The following ASCC3 variants were observed in gnomAD, a reference collection of about 807,000 sequenced individuals.
ASCC3 encodes activating signal cointegrator 1 complex subunit 3.
ASCC3 carries 158 observed loss-of-function variants against 256.3 expected under a neutral mutation model. That is an observed-to-expected ratio of 0.62 (90% CI 0.54 to 0.70). ASCC3 has a LOEUF of 0.70. ASCC3 is among the 30% of genes least tolerant of loss of function. The pLI, the probability that ASCC3 is intolerant of heterozygous loss-of-function variation, is 0.00. For missense variants in ASCC3, 2,259 were observed against 2,626.0 expected, an observed-to-expected ratio of 0.86 and a Z score of 3.05; for synonymous variants, 948 against 883.4, an observed-to-expected ratio of 1.07 and a Z score of -1.30.
rs1773620070 is a variant in ASCC3, at chr6:100,508,837, T to A, written c.*549A>T. On this transcript the variant is annotated 3_prime_UTR_variant, in exon 42 of 42. Transcript: ENST00000369162. ...ATCATCATTAGGCTCCATAATATAA[T>A]TTTACATCATATATTATTAAACATT... 6.5e-6 allele frequency: 1 copy of A among 154,662 alleles called. No individual in the cohort carries two copies. The allele number at this position is 154,662 out of a possible 1,614,324, so 9.6% of individuals were successfully genotyped here. A position where few individuals can be genotyped will look rare whatever the true frequency, so the allele number is the denominator to read the frequency against.
intron 8 of ASCC3, among the ~76,000 whole-genome samples, chr6:100,768,385 T>C (rs1781765412): frequency 1.3e-5 from 2 of 152,100 alleles, no homozygotes; most frequent in Non-Finnish European, 2.9e-5. Flanking sequence ...GGCCTAAAAG[T>C]AAGCAAAACA....
intron 3 of ASCC3, among the ~76,000 whole-genome samples, chr6:100,860,232 T>C (rs1773155616): frequency 6.6e-6 from 1 of 152,054 alleles, no homozygotes; most frequent in South Asian, 2.1e-4. Flanking sequence ...GAATGTAGAC[T>C]GTATCCTTCA....
chr6:100,518,916 T>C (rs1412727560), intron 37 of ASCC3, among the ~76,000 whole-genome samples: 2 of 152,152 alleles, frequency 1.3e-5, no homozygotes, highest in Admixed American at 6.6e-5. Context: ...GTTTTAGTAC[T>C]GTACTCTTGT....
At chr6:100,853,577 G>A (rs973320527) in intron 3 of ASCC3, among the ~76,000 whole-genome samples, 3 of 152,082 alleles carry the variant, frequency 2.0e-5, no homozygotes, top group Admixed American at 6.6e-5. Context: ...TGATTCTCCA[G>A]TCTCAGCCTC....
intron 13 of ASCC3, among the ~76,000 whole-genome samples, chr6:100,691,401 T>G (rs1038072520): frequency 1.3e-5 from 2 of 152,052 alleles, no homozygotes; most frequent in African/African-American, 4.8e-5. Context: ...TAAGCATATG[T>G]ATTTTTTGGA....
chr6:100,706,047 C>T (rs538244272), intron 13 of ASCC3, among the ~76,000 whole-genome samples: 2 of 151,742 alleles, frequency 1.3e-5, no homozygotes, highest in Non-Finnish European at 2.9e-5. Context: ...AGTATACATA[C>T]ATAATTTACC....
intron 8 of ASCC3, among the ~76,000 whole-genome samples, chr6:100,774,807 G>C (rs1204999285): frequency 6.6e-6 from 1 of 152,046 alleles, no homozygotes; most frequent in Non-Finnish European, 1.5e-5. Context: ...CCTGGCCCTA[G>C]TTTGTCGTTT....
At chr6:100,583,432 T>G (rs774305687) in intron 36 of ASCC3, among the ~76,000 whole-genome samples, 28 of 152,220 alleles carry the variant, frequency 1.8e-4, no homozygotes, top group Non-Finnish European at 3.5e-4. Context: ...TCGGTGGTGA[T>G]ATCCCCTTTA....
intron 14 of ASCC3, among the ~76,000 whole-genome samples, chr6:100,666,596 C>G (rs894573068): frequency 6.6e-6 from 1 of 152,074 alleles, no homozygotes; most frequent in Admixed American, 6.6e-5. Flanking sequence ...TAAACATCTT[C>G]CATGTTCTTG....
intron 36 of ASCC3, 140 bp downstream of exon 36, chr6:100,589,494 G>T: frequency 1.1e-6 from 1 of 917,582 alleles, no homozygotes; most frequent in Non-Finnish European, 1.6e-6. Context: ...TCTTAGTCTA[G>T]ATGTGTTGCT....
chr6:100,662,591 T>C, intron 14 of ASCC3, 55 bp from the exon 15 acceptor site: 2 of 1,558,716 alleles, frequency 1.3e-6, no homozygotes, highest in South Asian at 2.2e-5. Context: ...CAATTGTTTT[T>C]AGCATTTCTG....
intron 4 of ASCC3, among the ~76,000 whole-genome samples, chr6:100,827,416 A>G (rs1000614802): frequency 4.6e-5 from 7 of 152,210 alleles, no homozygotes; most frequent in Non-Finnish European, 1.0e-4. Flanking sequence ...AAGGTCAAAC[A>G]GTTGGAATCA....
chr6:100,584,365 C>A (rs1042233845), intron 36 of ASCC3, among the ~76,000 whole-genome samples: 2 of 151,564 alleles, frequency 1.3e-5, no homozygotes, highest in Non-Finnish European at 2.9e-5. Context: ...GTCTTTTGAT[C>A]TTTGTTGGTT....
intron 3 of ASCC3, among the ~76,000 whole-genome samples, chr6:100,859,517 T>C (rs1773121338): frequency 6.6e-6 from 1 of 152,050 alleles, no homozygotes; most frequent in Non-Finnish European, 1.5e-5. Flanking sequence ...ACACACAAAA[T>C]TGCCAGATTC....
chr6:100,569,821 T>G (rs1203136411), intron 36 of ASCC3, among the ~76,000 whole-genome samples: 1 of 152,166 alleles, frequency 6.6e-6, no homozygotes, highest in African/African-American at 2.4e-5. Context: ...CTGTGAAAAA[T>G]GACATTGGTA....
At chr6:100,542,422 C>T (rs571584622) in intron 36 of ASCC3, among the ~76,000 whole-genome samples, 1 of 152,238 alleles carries the variant, frequency 6.6e-6, no homozygotes, top group East Asian at 1.9e-4. Flanking sequence ...GTGGCTCACG[C>T]CTGTAATCCC....
At chr6:100,733,411 A>C (rs923538603) in intron 10 of ASCC3, among the ~76,000 whole-genome samples, 1 of 151,832 alleles carries the variant, frequency 6.6e-6, no homozygotes, top group African/African-American at 2.4e-5. Context: ...GGGTGAGTGG[A>C]TTTTCACTCT....
chr6:100,662,574 T>G, intron 14 of ASCC3, 38 bp from the exon 15 acceptor site: 1 of 1,591,650 alleles, frequency 6.3e-7, no homozygotes, highest in Non-Finnish European at 8.6e-7. Flanking sequence ...TATTTAGCAT[T>G]TAAAAGCAAT....
At chr6:100,629,234 T>C in intron 26 of ASCC3, 53 bp from the exon 27 acceptor site, 2 of 1,530,978 alleles carry the variant, frequency 1.3e-6, no homozygotes, top group Non-Finnish European at 1.8e-6. Context: ...ACAAATGACC[T>C]TGGAAATGCA....
Sources: gnomAD v4.1 joint callset for allele counts (sites outside exome capture counted in the v4.1 genomes callset) on GRCh38, gnomAD v4.1.1 for gene constraint, MANE v1.5 for transcripts, NCBI Gene and HGNC (gene_info 2026-07-23, HGNC 2026-07-21) for gene names.